The following NRG1 variants were observed in gnomAD, a reference collection of about 807,000 sequenced individuals.
NRG1 encodes pro-neuregulin-1, membrane-bound isoform.
In NRG1, 18 loss-of-function variants were observed where a neutral mutation model predicts 63.8. The ratio of observed to expected loss-of-function variants is 0.28; its 90% CI spans 0.19 to 0.42. The LOEUF is 0.42. Among genes scored for constraint, NRG1 ranks in the 10% least tolerant of loss-of-function variants. The probability of loss-of-function intolerance (pLI) is 1.00; values close to 1 mark genes in which losing one functional copy is unlikely to be tolerated. For synonymous variants in NRG1, 302 were observed against 301.3 expected, an observed-to-expected ratio of 1.00 and a Z score of -0.02; for missense variants, 762 against 814.7, an observed-to-expected ratio of 0.94 and a Z score of 0.79.
intron 1 of NRG1, among the ~76,000 whole-genome samples, chr8:32,361,922 A>G (rs1171231442): frequency 6.6e-6 from 1 of 151,850 alleles, no homozygotes; most frequent in African/African-American, 2.4e-5. Flanking sequence ...CCCTCATGTC[A>G]CACAGGTTAG....
At chr8:31,639,903 G>C (rs1343486862) in intron 1 of NRG1, 3 of 1,091,308 alleles carry the variant, frequency 2.7e-6, no homozygotes, top group Non-Finnish European at 3.3e-6. Flanking sequence ...GTGGTGCTGC[G>C]AGGGGAAGGA....
chr8:32,335,072 A>G (rs1354548280), intron 1 of NRG1, among the ~76,000 whole-genome samples: 4 of 152,190 alleles, frequency 2.6e-5, no homozygotes, highest in Middle Eastern at 3.2e-3. Flanking sequence ...ATAGTGGTAT[A>G]TATATAATTT....
At chr8:32,337,782 A>G (rs916955298) in intron 1 of NRG1, among the ~76,000 whole-genome samples, 2 of 151,652 alleles carry the variant, frequency 1.3e-5, no homozygotes, top group African/African-American at 4.8e-5. Context: ...CCTGCAATCT[A>G]TAAAGTCTGT....
intron 1 of NRG1, among the ~76,000 whole-genome samples, chr8:32,381,200 T>C (rs2129483335): frequency 6.6e-6 from 1 of 152,356 alleles, no homozygotes; most frequent in African/African-American, 2.4e-5. Flanking sequence ...CTTTCCAGCT[T>C]GGTGCCTCCA....
chr8:31,840,669 G>A (rs1012875465), intron 1 of NRG1, among the ~76,000 whole-genome samples: 17 of 152,142 alleles, frequency 1.1e-4, no homozygotes, highest in African/African-American at 3.6e-4. Context: ...ACACACACAC[G>A]CACTCATGCT....
At chr8:31,813,260 A>G (rs1453658911) in intron 1 of NRG1, among the ~76,000 whole-genome samples, 5 of 152,130 alleles carry the variant, frequency 3.3e-5, no homozygotes, top group Non-Finnish European at 7.4e-5. Flanking sequence ...TTACTTTAAA[A>G]TATTTTTTTC....
At chr8:32,174,972 C>T (rs1840535538) in intron 1 of NRG1, among the ~76,000 whole-genome samples, 1 of 152,204 alleles carries the variant, frequency 6.6e-6, no homozygotes, top group Non-Finnish European at 1.5e-5. Flanking sequence ...TCCTCCCTAA[C>T]TCATTTTATG....
intron 1 of NRG1, among the ~76,000 whole-genome samples, chr8:31,810,499 C>A (rs747626129): frequency 6.6e-6 from 1 of 152,082 alleles, no homozygotes; most frequent in Non-Finnish European, 1.5e-5. Flanking sequence ...TCATATTGGT[C>A]TTCTTGCTAT....
chr8:32,490,933 A>G (rs4370489), intron 1 of NRG1, among the ~76,000 whole-genome samples: 94,700 of 151,874 alleles, frequency 0.62, 29,751 homozygotes, highest in East Asian at 0.79. Flanking sequence ...CCAATCTTAC[A>G]TTTTATTTTC....
chr8:32,377,902 C>T (rs925989728), intron 1 of NRG1, among the ~76,000 whole-genome samples: 2 of 152,150 alleles, frequency 1.3e-5, no homozygotes, highest in African/African-American at 4.8e-5. Flanking sequence ...CTTCCAGTAC[C>T]TGGCGTAATA....
intron 1 of NRG1, among the ~76,000 whole-genome samples, chr8:31,858,354 TC>T (rs1205720310): frequency 6.6e-6 from 1 of 150,808 alleles, no homozygotes; most frequent in Non-Finnish European, 1.5e-5. Context: ...CATTCTATGA[TC>T]GTTCGACATT....
intron 1 of NRG1, among the ~76,000 whole-genome samples, chr8:32,339,696 A>G (rs1803804825): frequency 6.6e-6 from 1 of 152,196 alleles, no homozygotes; most frequent in Non-Finnish European, 1.5e-5. Context: ...AAATAAAATG[A>G]CGTTTAGTAA....
At chr8:32,270,873 T>C (rs1217200538) in intron 1 of NRG1, among the ~76,000 whole-genome samples, 3 of 152,196 alleles carry the variant, frequency 2.0e-5, no homozygotes, top group African/African-American at 7.2e-5. Context: ...GTAATCCAGT[T>C]GTTAAATATT....
chr8:32,632,208 G>A (rs1188037069), intron 5 of NRG1, among the ~76,000 whole-genome samples: 2 of 152,136 alleles, frequency 1.3e-5, no homozygotes, highest in East Asian at 1.9e-4. Flanking sequence ...TATAAAATAA[G>A]TGAGTTCCAT....
chr8:31,804,204 GA>G (rs760724166), intron 1 of NRG1, among the ~76,000 whole-genome samples: 1 of 152,076 alleles, frequency 6.6e-6, no homozygotes, highest in Non-Finnish European at 1.5e-5. Flanking sequence ...TTCCTTTAAT[GA>G]ATGAATAAAC....
At chr8:31,932,132 T>G (rs1834920178) in intron 1 of NRG1, among the ~76,000 whole-genome samples, 1 of 151,956 alleles carries the variant, frequency 6.6e-6, no homozygotes, top group Non-Finnish European at 1.5e-5. Flanking sequence ...GGGAAGGTTT[T>G]TGGTAACTAA....
chr8:31,863,436 A>G (rs1243967991), intron 1 of NRG1, among the ~76,000 whole-genome samples: 1 of 152,152 alleles, frequency 6.6e-6, no homozygotes, highest in Non-Finnish European at 1.5e-5. Flanking sequence ...TGTGTCTAAG[A>G]GGCTGCTGTG....
intron 5 of NRG1, among the ~76,000 whole-genome samples, chr8:32,698,577 G>C (rs994892281): frequency 6.6e-6 from 1 of 152,176 alleles, no homozygotes; most frequent in Non-Finnish European, 1.5e-5. Context: ...AGCATTCACG[G>C]GAAGGAAGAA....
chr8:32,487,003 A>G (rs921691920), intron 1 of NRG1, among the ~76,000 whole-genome samples: 2 of 152,302 alleles, frequency 1.3e-5, no homozygotes, highest in East Asian at 1.9e-4. Context: ...TGTCTGATAC[A>G]TGTTACTGAA....
Sources: gnomAD v4.1 joint callset for allele counts (sites outside exome capture counted in the v4.1 genomes callset) on GRCh38, gnomAD v4.1.1 for gene constraint, MANE v1.5 for transcripts, NCBI Gene and HGNC (gene_info 2026-07-23, HGNC 2026-07-21) for gene names.